The following SEMA6A variants were observed in gnomAD, a reference collection of about 807,000 sequenced individuals.
SEMA6A encodes semaphorin-6A.
Under a neutral mutation model 96.8 loss-of-function variants are expected in SEMA6A, and 25 were observed. The ratio of observed to expected loss-of-function variants is 0.26; its 90% confidence interval spans 0.19 to 0.36. The LOEUF (loss-of-function observed/expected upper bound fraction) is 0.36. Ranked by LOEUF, SEMA6A falls within the 10% of genes least tolerant of loss-of-function variation. The pLI is 1.00. For synonymous variants in SEMA6A, 612 were observed against 518.0 expected (o/e 1.18, Z -2.46); for missense variants, 1,363 against 1,323.1 (o/e 1.03, Z -0.47).
At chr5:116,470,618 G>T (rs148821011) in intron 17 of SEMA6A, among the ~76,000 whole-genome samples, 122 of 152,264 alleles carry the variant, frequency 8.0e-4, no homozygotes, top group African/African-American at 2.8e-3. Flanking sequence ...GAGAGGAAGA[G>T]AGAAGGAAAA....
chr5:116,502,079 A>T, intron 3 of SEMA6A, 131 bp downstream of exon 3: 1 of 663,304 alleles, frequency 1.5e-6, no homozygotes, highest in Non-Finnish European at 2.6e-6. Context: ...TTGATAAGTT[A>T]AAGGAGGCTT....
intron 18 of SEMA6A, 55 bp downstream of exon 18, chr5:116,467,528 T>TC (rs1755834395): frequency 1.3e-6 from 2 of 1,538,182 alleles, no homozygotes; most frequent in Admixed American, 2.0e-5. Context: ...TACACAGTCC[T>TC]CCCCACTTTT....
In SEMA6A at chr5:116,478,603, T is replaced by G; in HGVS notation, c.1366A>C (p.Asn456His). 2 of 1,613,440 alleles carry G rather than the reference T, an allele frequency of 1.2e-6. No homozygotes were observed. Among genetic ancestry groups the G allele is most frequent in the East Asian group, 2.2e-5 (1 of 44,818 alleles). Residue 456 changes from asparagine (N) to histidine (H), a missense_variant, in exon 13 of 19, where the codon AAT becomes CAT. This residue lies in a region of SEMA6A where 883 missense variants were observed against 763.6 expected (regional missense o/e 1.16). Transcript: ENST00000343348. ...AGGCTGTCATTTAGAAAACCACTATTTCCTATTCTGGCCAAAAACTTCAAG... is the reference window on the plus strand; with the variant it reads ...AGGCTGTCATTTAGAAAACCACTATGTCCTATTCTGGCCAAAAACTTCAAG... ...IILKFLARIG[N>H]SGFLNDSLFL... is the part of the protein sequence containing the mutation.
intron 1 of SEMA6A, among the ~76,000 whole-genome samples, chr5:116,541,437 T>C (rs1759960019): frequency 6.6e-6 from 1 of 151,724 alleles, no homozygotes; most frequent in Non-Finnish European, 1.5e-5. Context: ...TAATAAAGTG[T>C]TAAACACTGT....
chr5:116,484,434 C>T (rs992273985), intron 10 of SEMA6A, among the ~76,000 whole-genome samples: 1 of 152,122 alleles, frequency 6.6e-6, no homozygotes, highest in African/African-American at 2.4e-5. Context: ...AGAACCCCTA[C>T]TTAAGGCAGT....
chr5:116,504,524 C>T (rs1007361768), intron 2 of SEMA6A, among the ~76,000 whole-genome samples: 2 of 152,110 alleles, frequency 1.3e-5, no homozygotes, highest in African/African-American at 4.8e-5. Flanking sequence ...GTAATACTGC[C>T]AATACCCAGA....
intron 1 of SEMA6A, among the ~76,000 whole-genome samples, chr5:116,522,052 T>G (rs967117246): frequency 6.6e-6 from 1 of 152,210 alleles, no homozygotes; most frequent in African/African-American, 2.4e-5. Flanking sequence ...AGGGGGCTGT[T>G]TTTTGTTAAT....
At chr5:116,499,018 C>A (rs1462288506) in intron 3 of SEMA6A, 5 of 152,114 alleles carry the variant, frequency 3.3e-5, no homozygotes, top group African/African-American at 1.2e-4. Context: ...AATAATAAAG[C>A]AGAATTGAAA....
intron 18 of SEMA6A, among the ~76,000 whole-genome samples, chr5:116,460,335 C>T (rs1014344894): frequency 6.6e-6 from 1 of 152,060 alleles, no homozygotes; most frequent in African/African-American, 2.4e-5. Context: ...TCTCTGAACT[C>T]AAGTATGCTA....
chr5:116,551,904 T>A (rs564526044), intron 1 of SEMA6A, among the ~76,000 whole-genome samples: 9 of 152,360 alleles, frequency 5.9e-5, no homozygotes, highest in African/African-American at 2.2e-4. Context: ...CCATCAACTT[T>A]CTGACAGCTA....
Position 116,446,962 on chromosome 5 carries a change from T to G in SEMA6A, c.2744A>C (p.Asp915Ala). Residue 915 changes from aspartate to alanine, a missense_variant, in exon 19 of 19, where the codon GAC becomes GCC. Asp to Ala is a moderately radical substitution (Grantham distance 126, BLOSUM62 -2). This residue lies in a region of SEMA6A where 883 missense variants were observed against 763.6 expected (regional missense o/e 1.16). Transcript: ENST00000343348. ...GTTCGTGGGGTAGCTCCTCTTATAGTCAACCCCGTAGGAAGAGGAGTGGTG... is the reference window on the plus strand; with the variant it reads ...GTTCGTGGGGTAGCTCCTCTTATAGGCAACCCCGTAGGAAGAGGAGTGGTG... ...EMHHSSSYGVDYKRSYPTNSL... is the reference protein window; with the variant it reads ...EMHHSSSYGVAYKRSYPTNSL... The G allele has an allele frequency of 6.2e-7, 1 of 1,613,914 alleles. No individual in the cohort carries two copies.
intron 1 of SEMA6A, among the ~76,000 whole-genome samples, chr5:116,505,289 A>G (rs950118416): frequency 2.6e-5 from 4 of 152,156 alleles, no homozygotes; most frequent in African/African-American, 9.7e-5. Context: ...TGCCTTCAAA[A>G]TCACTCAGAA....
intron 7 of SEMA6A, 114 bp downstream of exon 7, chr5:116,491,626 T>A: frequency 1.3e-6 from 1 of 773,884 alleles, no homozygotes; most frequent in South Asian, 1.6e-5. Context: ...AATTACAGTA[T>A]TCACCAGAGA....
intron 18 of SEMA6A, chr5:116,449,312 G>A (rs541438286): frequency 4.8e-5 from 34 of 701,952 alleles, no homozygotes; most frequent in Admixed American, 4.2e-4. Context: ...AGACAGAAAA[G>A]GTACCTTCTC....
intron 1 of SEMA6A, among the ~76,000 whole-genome samples, chr5:116,528,954 T>C (rs1440902566): frequency 6.6e-6 from 1 of 152,144 alleles, no homozygotes; most frequent in Non-Finnish European, 1.5e-5. Context: ...ACAAATGAGT[T>C]TTTCTCTGAC....
At chr5:116,499,950 C>G (rs1177353055) in intron 3 of SEMA6A, among the ~76,000 whole-genome samples, 1 of 152,138 alleles carries the variant, frequency 6.6e-6, no homozygotes, top group Non-Finnish European at 1.5e-5. Flanking sequence ...TTTTTTCCCC[C>G]GGAAACTCAA....
At chr5:116,514,271 G>T (rs7723637) in intron 1 of SEMA6A, among the ~76,000 whole-genome samples, 31,668 of 152,100 alleles carry the variant, frequency 0.21, 3,401 homozygotes, top group South Asian at 0.28. Flanking sequence ...CGTTCCTTTT[G>T]CTCCACAACC....
At position 116,447,011 on chromosome 5, in the gene SEMA6A, C is replaced by T. The variant is rs769829763; in HGVS notation, c.2695G>A (p.Gly899Ser). 29 of 1,613,804 alleles carry T rather than the reference C, an allele frequency of 1.8e-5. No individual in the cohort carries two copies. The highest frequency in any genetic ancestry group is 3.3e-5 in the Admixed American group (2 of 60,006). Residue 899 changes from glycine to serine, a missense_variant, in exon 19 of 19, where the codon GGT (glycine) becomes AGT (serine). Around this residue, in one of 2 missense-constraint regions of SEMA6A, gnomAD observed 883 missense variants for 763.6 expected, o/e 1.16. Coordinates refer to ENST00000343348, the MANE Select transcript of SEMA6A (RefSeq NM_020796.5). ...GPPGASLSQT[G>S]LSKRLEMHHS... Reference sequence around the variant, plus strand: ...TGCATTTCCAGCCGCTTGCTTAGACCGGTCTGAGACAGGGAGGCTCCCGGG... The same window carrying T: ...TGCATTTCCAGCCGCTTGCTTAGACTGGTCTGAGACAGGGAGGCTCCCGGG...
intron 1 of SEMA6A, among the ~76,000 whole-genome samples, chr5:116,531,157 T>C (rs1294443236): frequency 1.4e-5 from 2 of 147,608 alleles, no homozygotes; most frequent in Non-Finnish European, 3.0e-5. Context: ...TTAATCTATG[T>C]GCAGGGCACT....
Sources: gnomAD v4.1 joint callset for allele counts (sites outside exome capture counted in the v4.1 genomes callset) on GRCh38, gnomAD v4.1.1 for gene constraint, gnomAD v4.1.1 regional missense constraint, MANE v1.5 for transcripts, NCBI Gene and HGNC (gene_info 2026-07-23, HGNC 2026-07-21) for gene names.